The following C5 variants were observed in gnomAD, a reference collection of about 807,000 sequenced individuals.
C5 encodes C3 and PZP-like alpha-2-macroglobulin domain-containing protein 4.
In C5, 140 loss-of-function variants were observed where a neutral mutation model predicts 218.8. The observed-to-expected ratio is 0.64, with a 90% CI of 0.56 to 0.74. The LOEUF (loss-of-function observed/expected upper bound fraction) is 0.74, where lower values mean the gene tolerates loss of function less well. Ranked by LOEUF, C5 falls within the 30% of genes least tolerant of loss-of-function variation. C5 has a pLI of 0.00. For synonymous variants in C5, 614 were observed against 682.3 expected (o/e 0.90, Z 1.56); for missense variants, 1,700 against 1,969.6 (o/e 0.86, Z 2.59).
At chr9:121,055,052 C>T (rs1449200942), upstream of C5, among the ~76,000 whole-genome samples, 1 of 152,134 alleles carries the variant, frequency 6.6e-6, no homozygotes, top group Non-Finnish European at 1.5e-5. Flanking sequence ...CAATTGTCAA[C>T]TGAAGAATCC....
chr9:121,030,517 C>A, intron 6 of C5, 30 bp from the exon 7 acceptor site: 1 of 1,332,682 alleles, frequency 7.5e-7, no homozygotes, highest in Non-Finnish European at 1.1e-6. Context: ...GGTAATATTA[C>A]CATTTTGATT....
At chr9:121,025,683 A>G (rs2047415727) in intron 8 of C5, 103 bp from the exon 9 acceptor site, 3 of 1,135,888 alleles carry the variant, frequency 2.6e-6, no homozygotes, top group Non-Finnish European at 3.9e-6. Context: ...GGTAAATGTC[A>G]GAAGAATGGT....
chr9:121,023,323 C>T, intron 10 of C5, 81 bp downstream of exon 10: 3 of 899,668 alleles, frequency 3.3e-6, no homozygotes, highest in Non-Finnish European at 3.8e-6. Flanking sequence ...AACATTCTTA[C>T]CCTGTTTGCC....
intron 20 of C5, among the ~76,000 whole-genome samples, chr9:121,002,316 G>GTATATATA (rs71370614): frequency 4.7e-4 from 41 of 87,394 alleles, no homozygotes; most frequent in African/African-American, 1.6e-3. Context: ...ATATGTGTGT[G>GTATATATA]TATATATATA....
chr9:120,962,864 A>C (rs1215819255), intron 35 of C5, 29 bp downstream of exon 35: 2 of 1,609,086 alleles, frequency 1.2e-6, no homozygotes, highest in Non-Finnish European at 1.7e-6. Flanking sequence ...AGTAATAGTA[A>C]AGGAAAAATG....
At chr9:121,058,296 A>G in the C5 span, among the ~76,000 whole-genome samples, 15 of 152,334 alleles carry the variant, frequency 9.8e-5, no homozygotes, top group South Asian at 3.1e-3. Flanking sequence ...GTAGTGCTTC[A>G]GGGAACACAT....
intron 1 of C5, among the ~76,000 whole-genome samples, chr9:121,048,855 A>T (rs1040735323): frequency 2.0e-5 from 3 of 152,124 alleles, no homozygotes; most frequent in Admixed American, 2.0e-4. Flanking sequence ...CACTTCCTTC[A>T]GGCTCTGTTT....
the C5 span, among the ~76,000 whole-genome samples, chr9:121,056,614 G>C: frequency 1.3e-5 from 2 of 151,976 alleles, no homozygotes; most frequent in Admixed American, 6.6e-5. Flanking sequence ...CTCAATAGCA[G>C]ACTTGATCAA....
chr9:121,043,490 C>T (rs2131818975), intron 2 of C5, among the ~76,000 whole-genome samples: 1 of 152,192 alleles, frequency 6.6e-6, no homozygotes, highest in South Asian at 2.1e-4. Context: ...CCCATGCTCC[C>T]CATTCCCTTT....
chr9:121,057,273 A>G, the C5 span, among the ~76,000 whole-genome samples: 1 of 152,202 alleles, frequency 6.6e-6, no homozygotes, highest in Non-Finnish European at 1.5e-5. Flanking sequence ...GAAATAATCT[A>G]AAAGTATAAA....
At chr9:121,058,262 G>A in the C5 span, among the ~76,000 whole-genome samples, 1 of 152,150 alleles carries the variant, frequency 6.6e-6, no homozygotes, top group Non-Finnish European at 1.5e-5. Flanking sequence ...GGTTACCAAT[G>A]AGTAAACTAA....
At position 121,002,308 on chromosome 9, in the gene C5, A is replaced by ATGTGTG. The variant is rs71370613; in HGVS notation, c.2562+3605_2562+3610dup. On this transcript the variant is annotated intron_variant, in intron 20 of 40. Transcript: ENST00000223642. ...TATATATGTATATATGTATATATATATGTGTGTGTATATATATATATATAT... is the reference window on the plus strand; with the variant it reads ...TATATATGTATATATGTATATATATATGTGTGTGTGTGTGTATATATATATATATAT... Among the ~76,000 whole-genome samples, 41 of 66,936 alleles carry ATGTGTG rather than the reference A, an allele frequency of 6.1e-4. 1 individual carries two copies. Among genetic ancestry groups the ATGTGTG allele is most frequent in the Admixed American group, 2.2e-3 (11 of 5,056 alleles). The allele number at this position is 66,936 out of a possible 152,430, so 43.9% of individuals were successfully genotyped here. A position where few individuals can be genotyped will look rare whatever the true frequency, so the allele number is the denominator to read the frequency against.
chr9:121,041,302 T>TTTTTC lies in C5; in HGVS notation c.421+1701_421+1702insGAAAA, dbSNP rs1173337768. ...AGAGAAATAATACATGAAGCCTTTT[T>TTTTTC]TTTTTTTTTTTTTTTTTGCTGAGAC... On this transcript the variant is annotated intron_variant, in intron 3 of 40. Coordinates refer to ENST00000223642, the MANE Select transcript of C5 (RefSeq NM_001735.3). 3.1e-5 allele frequency among the ~76,000 whole-genome samples: 4 copies of TTTTTC among 128,520 alleles called. No individual in the cohort carries two copies. The East Asian group carries it at 9.6e-4, about 31-fold the overall frequency. The allele number at this position is 128,520 out of a possible 152,430, so 84.3% of individuals were successfully genotyped here.
At chr9:121,008,372 C>T (rs780246300) in intron 18 of C5, 36 bp downstream of exon 18, 3 of 1,493,636 alleles carry the variant, frequency 2.0e-6, no homozygotes, top group South Asian at 2.3e-5. Flanking sequence ...GCATTATCCA[C>T]ATTTCTTTCA....
the C5 span, among the ~76,000 whole-genome samples, chr9:121,065,383 A>G: frequency 1.3e-5 from 2 of 152,282 alleles, no homozygotes; most frequent in South Asian, 2.1e-4. Flanking sequence ...AACAATGACA[A>G]TATCTTGGAA....
chr9:120,979,325 C>T (rs1482001326), intron 28 of C5, among the ~76,000 whole-genome samples: 1 of 152,242 alleles, frequency 6.6e-6, no homozygotes, highest in Non-Finnish European at 1.5e-5. Flanking sequence ...TAAGCCCAGT[C>T]AGCTTGTCTA....
chr9:121,021,379 G>A, intron 11 of C5, 130 bp downstream of exon 11: 1 of 733,152 alleles, frequency 1.4e-6, no homozygotes, highest in Non-Finnish European at 2.5e-6. Context: ...ATTTGTCTTG[G>A]ATGCAAAATT....
chr9:120,995,819 A>AC (rs1300366446), intron 22 of C5, among the ~76,000 whole-genome samples: 2 of 125,812 alleles, frequency 1.6e-5, no homozygotes, highest in Non-Finnish European at 3.4e-5. Context: ...AGAAGTGGAT[A>AC]CTTTTTTTTT....
intron 22 of C5, among the ~76,000 whole-genome samples, chr9:120,992,028 G>T (rs1394228175): frequency 6.6e-6 from 1 of 152,210 alleles, no homozygotes; most frequent in Non-Finnish European, 1.5e-5. Context: ...TTTTGCTGCA[G>T]AGCCCACACT....
Sources: allele counts gnomAD v4.1 joint callset (sites outside exome capture counted in the v4.1 genomes callset), GRCh38; gene constraint gnomAD v4.1.1; transcripts MANE v1.5; gene names NCBI Gene and HGNC (gene_info 2026-07-23, HGNC 2026-07-21).